SSBP2: variants seen among roughly 807,000 people sequenced by gnomAD.
The protein encoded by SSBP2 is single-stranded DNA-binding protein 2.
Under a neutral mutation model 61.8 loss-of-function variants are expected in SSBP2, and 17 were observed. That is an observed-to-expected ratio of 0.28 (90% CI 0.19 to 0.41). SSBP2 has a LOEUF of 0.41. Ranked by LOEUF, SSBP2 falls within the 10% of genes least tolerant of loss-of-function variation. The probability of loss-of-function intolerance (pLI) is 1.00; values close to 1 mark genes in which losing one functional copy is unlikely to be tolerated. For missense variants in SSBP2, 310 were observed against 458.7 expected (o/e 0.68, Z 2.96); for synonymous variants, 139 against 141.3 (o/e 0.98, Z 0.12).
chr5:81,549,760 A>T (rs1772030518), intron 4 of SSBP2, among the ~76,000 whole-genome samples: 1 of 152,182 alleles, frequency 6.6e-6, no homozygotes, highest in Admixed American at 6.6e-5. Flanking sequence ...AGATGTCCAC[A>T]TTTAATATAT....
chr5:81,544,741 G>A (rs1771596443), intron 4 of SSBP2, among the ~76,000 whole-genome samples: 1 of 152,144 alleles, frequency 6.6e-6, no homozygotes, highest in South Asian at 2.1e-4. Flanking sequence ...GGTAGAGACT[G>A]GATGCTCACT....
intron 4 of SSBP2, among the ~76,000 whole-genome samples, chr5:81,587,840 AG>A (rs1454721812): frequency 6.6e-6 from 1 of 152,182 alleles, no homozygotes; most frequent in Non-Finnish European, 1.5e-5. Flanking sequence ...TATAGAAGAA[AG>A]GAAAGAAATG....
chr5:81,427,963 C>T (rs1453099341), intron 16 of SSBP2, among the ~76,000 whole-genome samples: 2 of 152,158 alleles, frequency 1.3e-5, no homozygotes, highest in Admixed American at 6.5e-5. Flanking sequence ...AGAAAAGGCA[C>T]CATTTTGTCT....
In SSBP2 at chr5:81,467,167, A is replaced by G. The variant is rs1764948678; in HGVS notation, c.571-126T>C. 4 of 629,712 alleles carry G rather than the reference A, an allele frequency of 6.4e-6. No individual in the cohort carries two copies. The South Asian group carries it at 1.3e-4, about 20-fold the overall frequency. The allele number at this position is 629,712 out of a possible 1,614,324, so 39.0% of individuals were successfully genotyped here. The stretch of plus-strand genomic sequence containing the variant: ...ACTCCAATTGGATAAGGCCTGTGTA[A>G]TTCATTCTCTGAGGGGTCCATTCTT... On this transcript the variant is annotated intron_variant, in intron 8 of 16. Transcript: ENST00000320672.
chr5:81,729,657 A>G (rs1339850796), intron 1 of SSBP2, among the ~76,000 whole-genome samples: 10 of 152,198 alleles, frequency 6.6e-5, no homozygotes. Flanking sequence ...TGTGATTCAT[A>G]AAATGAACAT....
intron 1 of SSBP2, among the ~76,000 whole-genome samples, chr5:81,676,796 A>G (rs987997860): frequency 1.3e-5 from 2 of 152,232 alleles, no homozygotes; most frequent in African/African-American, 4.8e-5. Flanking sequence ...ATTTAATACT[A>G]GAAAAAAATA....
intron 1 of SSBP2, among the ~76,000 whole-genome samples, chr5:81,743,808 G>A (rs1167623851): frequency 1.3e-5 from 2 of 152,172 alleles, no homozygotes; most frequent in African/African-American, 4.8e-5. Context: ...GAGTGTGTAA[G>A]GGAGTGATGC....
chr5:81,473,686 C>A lies in SSBP2; in HGVS notation c.570+14G>T. On this transcript the variant is annotated intron_variant, in intron 8 of 16. Coordinates refer to ENST00000320672, the MANE Select transcript of SSBP2 (RefSeq NM_012446.5). Reference sequence around the variant, plus strand: ...CCATATCTTTGCTATTGTAAATATGCACTGATTATTTACCTGTGGTCCTAA... The same window carrying A: ...CCATATCTTTGCTATTGTAAATATGAACTGATTATTTACCTGTGGTCCTAA... 1 of 1,612,946 alleles carries A rather than the reference C, an allele frequency of 6.2e-7. No homozygotes were observed. Among genetic ancestry groups the A allele is most frequent in the African/African-American group, 1.3e-5 (1 of 74,972 alleles).
At chr5:81,503,522 C>T (rs916418625) in intron 5 of SSBP2, among the ~76,000 whole-genome samples, 2 of 152,106 alleles carry the variant, frequency 1.3e-5, no homozygotes, top group African/African-American at 4.8e-5. Flanking sequence ...AACACTTACA[C>T]CCTGTTGGTG....
At chr5:81,654,849 T>C (rs943936952) in intron 1 of SSBP2, among the ~76,000 whole-genome samples, 9 of 152,148 alleles carry the variant, frequency 5.9e-5, no homozygotes, top group African/African-American at 1.9e-4. Flanking sequence ...ACTCAACATT[T>C]TGAGCAGGGC....
At chr5:81,751,245 G>T (rs1033823348), upstream of SSBP2, 2 of 594,802 alleles carry the variant, frequency 3.4e-6, no homozygotes, top group East Asian at 2.9e-5. Context: ...GCGCGGTGGC[G>T]GCTAAGCCTC....
chr5:81,656,054 A>AT (rs575149120), intron 1 of SSBP2, among the ~76,000 whole-genome samples: 5 of 151,936 alleles, frequency 3.3e-5, no homozygotes, highest in South Asian at 2.1e-4. Flanking sequence ...AAGATATATA[A>AT]TTTTTTTTAT....
At chr5:81,482,892 T>C (rs1487479693) in intron 6 of SSBP2, among the ~76,000 whole-genome samples, 1 of 152,208 alleles carries the variant, frequency 6.6e-6, no homozygotes, top group East Asian at 1.9e-4. Flanking sequence ...CTAAATGTAA[T>C]CATTTTTAGC....
intron 6 of SSBP2, among the ~76,000 whole-genome samples, chr5:81,487,591 C>CT (rs1158089027): frequency 1.3e-5 from 2 of 151,804 alleles, no homozygotes; most frequent in East Asian, 3.9e-4. Flanking sequence ...TATTGCTATT[C>CT]TTTTTTTAAT....
At chr5:81,474,821 C>CA (rs1277059426) in intron 6 of SSBP2, among the ~76,000 whole-genome samples, 1 of 152,092 alleles carries the variant, frequency 6.6e-6, no homozygotes, top group African/African-American at 2.4e-5. Context: ...AAGATCTACG[C>CA]AAAAACTGTC....
intron 3 of SSBP2, among the ~76,000 whole-genome samples, chr5:81,619,989 C>A (rs1485406479): frequency 1.6e-5 from 1 of 63,560 alleles, no homozygotes; most frequent in Non-Finnish European, 2.9e-5. Context: ...AAACCCACAG[C>A]CAATATCATA....
intron 5 of SSBP2, among the ~76,000 whole-genome samples, chr5:81,506,750 C>G (rs891728401): frequency 6.6e-6 from 1 of 152,084 alleles, no homozygotes; most frequent in Non-Finnish European, 1.5e-5. Flanking sequence ...AATATAGATA[C>G]TAAGGTATCT....
chr5:81,728,386 T>G (rs1398299006), intron 1 of SSBP2, among the ~76,000 whole-genome samples: 2 of 152,222 alleles, frequency 1.3e-5, no homozygotes, highest in Admixed American at 6.5e-5. Context: ...AGATGGCCTC[T>G]CTTGTCCTCA....
chr5:81,651,502 G>C (rs1749728483), intron 1 of SSBP2, among the ~76,000 whole-genome samples: 1 of 152,138 alleles, frequency 6.6e-6, no homozygotes, highest in Non-Finnish European at 1.5e-5. Context: ...TAAACACCTT[G>C]AGAGAGTAGA....
Sources: allele counts gnomAD v4.1 joint callset (sites outside exome capture counted in the v4.1 genomes callset), GRCh38; gene constraint gnomAD v4.1.1; transcripts MANE v1.5; gene names NCBI Gene and HGNC (gene_info 2026-07-23, HGNC 2026-07-21).